Variants in CNTNAP2 observed in about 807,000 individuals in gnomAD.
CNTNAP2 encodes the protein contactin associated protein 2.
In CNTNAP2, 98 loss-of-function variants were observed where a neutral mutation model predicts 155.2. The observed-to-expected ratio is 0.63, with a 90% confidence interval of 0.54 to 0.75. The LOEUF is 0.75. Ranked by LOEUF, CNTNAP2 falls within the 30% of genes least tolerant of loss-of-function variation. The pLI is 0.00. For missense variants in CNTNAP2, 1,727 were observed against 1,688.1 expected (o/e 1.02, Z -0.40); for synonymous variants, 651 against 631.2 (o/e 1.03, Z -0.47).
chr7:146,664,459 C>A (rs983014608), intron 1 of CNTNAP2, among the ~76,000 whole-genome samples: 3 of 152,090 alleles, frequency 2.0e-5, no homozygotes, highest in African/African-American at 7.2e-5. Context: ...CCATGCCCAG[C>A]CCCATGGATT....
chr7:147,502,953 G>A (rs36080201), intron 11 of CNTNAP2, among the ~76,000 whole-genome samples: 2,344 of 152,156 alleles, frequency 0.015, 60 homozygotes, highest in African/African-American at 0.054. Flanking sequence ...ATAGTTGAGC[G>A]AGAAGTACCC....
intron 1 of CNTNAP2, among the ~76,000 whole-genome samples, chr7:146,312,327 C>A (rs534669949): frequency 6.6e-6 from 1 of 152,034 alleles, no homozygotes; most frequent in Non-Finnish European, 1.5e-5. Flanking sequence ...TGAGAGGATT[C>A]GAAGCTCTAA....
At chr7:147,585,381 T>C (rs1262024756) in intron 12 of CNTNAP2, among the ~76,000 whole-genome samples, 1 of 150,380 alleles carries the variant, frequency 6.6e-6, no homozygotes, top group Non-Finnish European at 1.5e-5. Context: ...GTGAGTTATA[T>C]ATATACAAAT....
chr7:147,098,648 A>T (rs904602620), intron 4 of CNTNAP2, among the ~76,000 whole-genome samples: 4 of 152,076 alleles, frequency 2.6e-5, no homozygotes, highest in Non-Finnish European at 5.9e-5. Context: ...ATCAAAACTG[A>T]TTTTTCACTT....
chr7:146,955,936 A>G (rs1797425687), intron 3 of CNTNAP2, among the ~76,000 whole-genome samples: 1 of 152,052 alleles, frequency 6.6e-6, no homozygotes, highest in Non-Finnish European at 1.5e-5. Context: ...GATAATTCGC[A>G]TCTTGTAGAA....
intron 1 of CNTNAP2, among the ~76,000 whole-genome samples, chr7:146,611,201 C>T (rs1213456391): frequency 2.6e-5 from 4 of 152,190 alleles, no homozygotes; most frequent in East Asian, 1.9e-4. Context: ...GCTTCCCTTG[C>T]TCAGCTTCCT....
At chr7:146,595,575 A>C (rs538963172) in intron 1 of CNTNAP2, among the ~76,000 whole-genome samples, 71 of 152,164 alleles carry the variant, frequency 4.7e-4, no homozygotes, top group African/African-American at 1.7e-3. Context: ...TGGCAGGAGC[A>C]ATTCTTGAAA....
At chr7:147,907,947 T>G (rs1799994203) in intron 14 of CNTNAP2, among the ~76,000 whole-genome samples, 1 of 151,598 alleles carries the variant, frequency 6.6e-6, no homozygotes, top group Non-Finnish European at 1.5e-5. Flanking sequence ...TTTTTTTTTT[T>G]TTGTATTTTT....
At chr7:147,950,165 T>C (rs1800900465) in intron 14 of CNTNAP2, among the ~76,000 whole-genome samples, 1 of 151,778 alleles carries the variant, frequency 6.6e-6, no homozygotes, top group Non-Finnish European at 1.5e-5. Context: ...CTACCAAGTA[T>C]AGTAAGGGAG....
At chr7:147,112,995 A>G (rs1007142388) in intron 5 of CNTNAP2, among the ~76,000 whole-genome samples, 18 of 152,200 alleles carry the variant, frequency 1.2e-4, no homozygotes, top group African/African-American at 4.1e-4. Flanking sequence ...GGTAGAATGC[A>G]GCTGTGAGTC....
At chr7:148,328,072 T>C (rs532580438) in intron 21 of CNTNAP2, among the ~76,000 whole-genome samples, 2 of 152,278 alleles carry the variant, frequency 1.3e-5, no homozygotes, top group East Asian at 3.9e-4. Flanking sequence ...TGAGGAAACC[T>C]CTAAGGCACA....
At chr7:148,296,545 C>CAA (rs143609414) in intron 21 of CNTNAP2, among the ~76,000 whole-genome samples, 2,626 of 76,450 alleles carry the variant, frequency 0.034, 243 homozygotes, top group African/African-American at 0.13. Context: ...GACTCTGTCT[C>CAA]AAAAAAAAAA....
chr7:147,008,836 A>G (rs1798572470), intron 3 of CNTNAP2, among the ~76,000 whole-genome samples: 1 of 152,076 alleles, frequency 6.6e-6, no homozygotes, highest in African/African-American at 2.4e-5. Context: ...CTCGGGTGAT[A>G]AAGTGGTTAT....
At chr7:146,547,331 T>C (rs1798044034) in intron 1 of CNTNAP2, among the ~76,000 whole-genome samples, 2 of 152,164 alleles carry the variant, frequency 1.3e-5, no homozygotes, top group South Asian at 4.1e-4. Flanking sequence ...TTTTAATTTT[T>C]ATTTTTTGAT....
chr7:146,906,141 G>C (rs1016265674), intron 3 of CNTNAP2, among the ~76,000 whole-genome samples: 3 of 152,182 alleles, frequency 2.0e-5, no homozygotes, highest in Admixed American at 6.5e-5. Context: ...CACCTGGCTC[G>C]GAGGGTCCTA....
At chr7:146,999,763 C>G (rs1276805157) in intron 3 of CNTNAP2, among the ~76,000 whole-genome samples, 3 of 151,994 alleles carry the variant, frequency 2.0e-5, no homozygotes, top group Non-Finnish European at 4.4e-5. Flanking sequence ...TATTAGAGCT[C>G]TCGTCATTTG....
At chr7:146,745,142 A>G (rs1801787638) in intron 1 of CNTNAP2, among the ~76,000 whole-genome samples, 2 of 152,130 alleles carry the variant, frequency 1.3e-5, no homozygotes, top group South Asian at 4.1e-4. Context: ...AGAAAACAAC[A>G]ACAACCACCA....
intron 1 of CNTNAP2, among the ~76,000 whole-genome samples, chr7:146,530,003 A>G (rs191000471): frequency 1.3e-5 from 2 of 151,976 alleles, no homozygotes; most frequent in African/African-American, 4.8e-5. Context: ...AACAAATCAG[A>G]TACAAAGGCA....
At chr7:146,969,592 TG>T (rs1789232098) in intron 3 of CNTNAP2, among the ~76,000 whole-genome samples, 1 of 152,198 alleles carries the variant, frequency 6.6e-6, no homozygotes, top group Admixed American at 6.5e-5. Context: ...TTTTGATTTT[TG>T]TTGGTTTAAA....
Sources: gnomAD v4.1 joint callset for allele counts (sites outside exome capture counted in the v4.1 genomes callset) on GRCh38, gnomAD v4.1.1 for gene constraint, MANE v1.5 for transcripts, NCBI Gene and HGNC (gene_info 2026-07-23, HGNC 2026-07-21) for gene names.